SLC9A3: variants seen among roughly 807,000 people sequenced by gnomAD.
SLC9A3 encodes the protein solute carrier family 9 member A3, also known as sodium/hydrogen exchanger 3.
Under a neutral mutation model 86.8 loss-of-function variants are expected in SLC9A3, and 37 were observed. The ratio of observed to expected loss-of-function variants is 0.43; its 90% confidence interval spans 0.33 to 0.56. SLC9A3 has a LOEUF of 0.56. Ranked by LOEUF, SLC9A3 falls within the 20% of genes least tolerant of loss-of-function variation. SLC9A3 has a pLI of 0.06. For synonymous variants in SLC9A3, 581 were observed against 528.3 expected, an observed-to-expected ratio of 1.10 and a Z score of -1.37; for missense variants, 1,011 against 1,171.9, an observed-to-expected ratio of 0.86 and a Z score of 2.00.
intron 1 of SLC9A3, among the ~76,000 whole-genome samples, chr5:508,630 G>A (rs1437745858): frequency 6.7e-6 from 1 of 149,280 alleles, no homozygotes; most frequent in Non-Finnish European, 1.5e-5. Context: ...CTGGGATGGA[G>A]ATGCCGCGGG....
At chr5:483,622 C>T in intron 5 of SLC9A3, 140 bp from the exon 6 acceptor site, 3 of 669,832 alleles carry the variant, frequency 4.5e-6, no homozygotes, top group South Asian at 3.4e-5. Context: ...TCCTCCCGAG[C>T]CAGGCTGGGC....
intron 1 of SLC9A3, among the ~76,000 whole-genome samples, chr5:499,414 C>A (rs1740164916): frequency 6.6e-6 from 1 of 152,268 alleles, no homozygotes; most frequent in African/African-American, 2.4e-5. Flanking sequence ...GCCGGGGCCA[C>A]CCCGCTTTCT....
At chr5:522,530 C>A (rs1292916634) in intron 1 of SLC9A3, among the ~76,000 whole-genome samples, 6 of 152,124 alleles carry the variant, frequency 3.9e-5, no homozygotes, top group African/African-American at 1.4e-4. Flanking sequence ...GAGGCCGAGG[C>A]GGGTGGATCA....
rs983256928 is a variant in SLC9A3, at chr5:480,194, T to C, written c.1518-229A>G. The C allele has an allele frequency of 2.7e-5, 13 of 488,564 alleles. No homozygotes were observed. The South Asian group carries it at 2.9e-4, about 11-fold the overall frequency. 30.3% of individuals were successfully genotyped at this position (488,564 alleles called of 1,614,324 possible). On this transcript the variant is annotated intron_variant, in intron 9 of 16. Coordinates refer to ENST00000264938, the MANE Select transcript of SLC9A3 (RefSeq NM_004174.4). ...GCATATGAAACTGCATGCCGCCTCCTCCAGAGGGTGGCTCAGGACACGGTG... is the reference window on the plus strand; with the variant it reads ...GCATATGAAACTGCATGCCGCCTCCCCCAGAGGGTGGCTCAGGACACGGTG...
chr5:471,404 C>A lies in SLC9A3; in HGVS notation c.*1975G>T. Reference sequence around the variant, plus strand: ...TTGCGCGGTGGACCGCACGACGCTCCTGCTCTGTTCTCCCAGGCACAGACA... The same window carrying A: ...TTGCGCGGTGGACCGCACGACGCTCATGCTCTGTTCTCCCAGGCACAGACA... On this transcript the variant is annotated 3_prime_UTR_variant, in exon 17 of 17. Coordinates refer to ENST00000264938, the MANE Select transcript of SLC9A3 (RefSeq NM_004174.4). 1 of 311,192 alleles carries A rather than the reference C, an allele frequency of 3.2e-6. No individual in the cohort carries two copies. The highest frequency in any genetic ancestry group is 6.3e-6 in the Non-Finnish European group (1 of 158,680). 19.3% of individuals were successfully genotyped at this position (311,192 alleles called of 1,614,324 possible).
chr5:475,631 A>C lies in SLC9A3; in HGVS notation c.2181T>G (p.Asp727Glu), dbSNP rs1447518723. ...ACTCGATCCCCCCACTCATCTCCTC[A>C]TCATAGTTGGGGGGCTCCTCGGTGT... ...LSDTEEPPNY[D>E]EEMSGGIEFL... Residue 727 changes from aspartate to glutamate, a missense_variant, in exon 15 of 17, where the codon GAT (aspartate) becomes GAG (glutamate). Asp to Glu is a conservative substitution (Grantham distance 45). Around this residue, in one of 3 missense-constraint regions of SLC9A3, gnomAD observed 397 missense variants for 346.3 expected, o/e 1.15. Transcript: ENST00000264938. 2 of 1,551,514 alleles carry C rather than the reference A, an allele frequency of 1.3e-6. No individual in the cohort carries two copies. Among genetic ancestry groups the C allele is most frequent in the Non-Finnish European group, 1.7e-6 (2 of 1,146,614 alleles).
intron 9 of SLC9A3, among the ~76,000 whole-genome samples, chr5:481,362 G>GC (rs1360983695): frequency 5.3e-5 from 8 of 152,260 alleles, no homozygotes; most frequent in Non-Finnish European, 1.0e-4. Context: ...TCACTCGGTG[G>GC]CCCCAACTGC....
intron 16 of SLC9A3, among the ~76,000 whole-genome samples, chr5:473,714 A>C (rs1442668769): frequency 6.6e-6 from 1 of 151,894 alleles, no homozygotes. Flanking sequence ...CTCCATCTCA[A>C]ACCGCCCTGG....
chr5:502,505 G>A (rs1043070864), intron 1 of SLC9A3, among the ~76,000 whole-genome samples: 3 of 152,248 alleles, frequency 2.0e-5, no homozygotes, highest in Admixed American at 6.5e-5. Context: ...GACACCGGTC[G>A]CAACGTCCTG....
At chr5:477,141 C>T (rs929452725) in intron 11 of SLC9A3, 191 bp downstream of exon 11, 21 of 550,992 alleles carry the variant, frequency 3.8e-5, no homozygotes, top group South Asian at 7.8e-5. Context: ...ACCTTCCATC[C>T]AGCACTAAGG....
At chr5:484,783 G>A (rs963425407) in intron 4 of SLC9A3, 86 bp from the exon 5 acceptor site, 96 of 1,314,858 alleles carry the variant, frequency 7.3e-5, no homozygotes, top group Middle Eastern at 2.6e-4. Flanking sequence ...CGGAAGTGCC[G>A]GGAGCCCGGG....
intron 1 of SLC9A3, among the ~76,000 whole-genome samples, chr5:498,160 T>A (rs1327094796): frequency 6.6e-6 from 1 of 152,160 alleles, no homozygotes; most frequent in African/African-American, 2.4e-5. Flanking sequence ...CCCTGCTACT[T>A]CGGGGCCACG....
At chr5:507,224 G>C (rs1236998860) in intron 1 of SLC9A3, among the ~76,000 whole-genome samples, 1 of 92,034 alleles carries the variant, frequency 1.1e-5, no homozygotes, top group Non-Finnish European at 1.9e-5. Context: ...GCTGGAGTGC[G>C]GTGGCGCGAT....
chr5:482,922 C>T (rs915742577), intron 6 of SLC9A3, among the ~76,000 whole-genome samples, 172 bp from the exon 7 acceptor site: 4 of 151,442 alleles, frequency 2.6e-5, no homozygotes, highest in East Asian at 3.9e-4. Flanking sequence ...CGGAGCCACA[C>T]GCGGCCTGGC....
intron 1 of SLC9A3, among the ~76,000 whole-genome samples, chr5:517,606 C>A (rs1733769981): frequency 1.3e-5 from 2 of 151,212 alleles, no homozygotes; most frequent in South Asian, 2.1e-4. Flanking sequence ...ACTCACTCAC[C>A]CATCTATCAA....
At position 521,338 on chromosome 5, in the gene SLC9A3, G is replaced by A. The variant is rs375108534; in HGVS notation, c.211+2774C>T. ...CCAGCCCCAGTGTTTGCTTGAGGCA[G>A]CTCTGGCCCTCTGGCCATCCTCTGT... On this transcript the variant is annotated intron_variant, in intron 1 of 16. Transcript: ENST00000264938. 1.8e-3 allele frequency among the ~76,000 whole-genome samples: 275 copies of A among 152,340 alleles called. 1 individual carries two copies. The highest frequency in any genetic ancestry group is 6.5e-3 in the African/African-American group (270 of 41,578).
At chr5:492,309 GTCA>G (rs1739802710) in intron 1 of SLC9A3, among the ~76,000 whole-genome samples, 1 of 95,290 alleles carries the variant, frequency 1.0e-5, no homozygotes. Flanking sequence ...GAGGAGGGAG[GTCA>G]GGGTGGGGCC....
Position 475,564 on chromosome 5 carries a change from C to T in SLC9A3, c.2248G>A (p.Ala750Thr). 6.5e-7 allele frequency: 1 copy of T among 1,537,538 alleles called. No homozygotes were observed. Among genetic ancestry groups the T allele is most frequent in the Non-Finnish European group, 8.8e-7 (1 of 1,134,130 alleles). The change falls in exon 15 of 17, where the codon GCA becomes ACA. Residue 750 changes from alanine to threonine, a missense_variant. Ala to Thr is a moderately conservative substitution (Grantham distance 58). This residue lies in a region of SLC9A3 where 397 missense variants were observed against 346.3 expected (regional missense o/e 1.15). Coordinates refer to ENST00000264938, the MANE Select transcript of SLC9A3 (RefSeq NM_004174.4). ...GACGCCTGTGCCCCGTCCCCACCTG[C>T]AGGGGAGTCGGACGCTGTGTCCTTG... ...VTKDTASDSP[A>T]GIDNPVFSPD...
chr5:524,166 G>T lies in SLC9A3; in HGVS notation c.157C>A (p.Gln53Lys). 1 of 1,547,942 alleles carries T rather than the reference G, an allele frequency of 6.5e-7. No individual in the cohort carries two copies. ...QVVTFEWAHV[Q>K]DPYVIALWIL... ...CAGAGCGCGATGACGTAGGGATCCTGCACGTGGGCCCACTCGAAGGTGACC... is the reference window on the plus strand; with the variant it reads ...CAGAGCGCGATGACGTAGGGATCCTTCACGTGGGCCCACTCGAAGGTGACC... The change falls in exon 1 of 17, where the codon CAG (glutamine) becomes AAG (lysine). Residue 53 changes from glutamine (Q) to lysine (K), a missense_variant. This residue lies in a region of SLC9A3 where 565 missense variants were observed against 790.0 expected (regional missense o/e 0.72). Transcript: ENST00000264938.
Sources: allele counts gnomAD v4.1 joint callset (sites outside exome capture counted in the v4.1 genomes callset), GRCh38; gene constraint gnomAD v4.1.1; regional missense constraint gnomAD v4.1.1; transcripts MANE v1.5; gene names NCBI Gene and HGNC (gene_info 2026-07-23, HGNC 2026-07-21).